The following L3MBTL4 variants were observed in gnomAD, a reference collection of about 807,000 sequenced individuals.
The protein encoded by L3MBTL4 is lethal(3)malignant brain tumor-like protein 4.
L3MBTL4 carries 70 observed loss-of-function variants against 84.5 expected under a neutral mutation model. The ratio of observed to expected loss-of-function variants is 0.83; its 90% CI spans 0.68 to 1.01. The LOEUF (loss-of-function observed/expected upper bound fraction) is 1.01. Ranked by LOEUF, L3MBTL4 falls within the 50% of genes least tolerant of loss-of-function variation. The pLI is 0.00. For synonymous variants in L3MBTL4, 274 were observed against 259.8 expected, an observed-to-expected ratio of 1.05 and a Z score of -0.52; for missense variants, 715 against 754.8, an observed-to-expected ratio of 0.95 and a Z score of 0.62.
chr18:6,036,690 A>G (rs2056156659), intron 16 of L3MBTL4, among the ~76,000 whole-genome samples: 1 of 152,192 alleles, frequency 6.6e-6, no homozygotes, highest in Non-Finnish European at 1.5e-5. Context: ...GTGATTACTT[A>G]TTGAAAACTG....
intron 1 of L3MBTL4, among the ~76,000 whole-genome samples, chr18:6,405,548 G>A (rs942588015): frequency 2.6e-5 from 4 of 152,146 alleles, no homozygotes; most frequent in Non-Finnish European, 4.4e-5. Context: ...CCCTGAGCCC[G>A]AGGGCCCACT....
In L3MBTL4 at chr18:6,346,370, C is replaced by T. The variant is rs11662413; in HGVS notation, c.-90-34314G>A. 9.0e-3 allele frequency among the ~76,000 whole-genome samples: 1,372 copies of T among 151,724 alleles called. 10 individuals are homozygous for T. The highest frequency in any genetic ancestry group is 0.014 in the Non-Finnish European group (968 of 67,850). ...TACCTCAAACCAAAAAACTTCTACACGGCAAAGGAAATCAATCACCAAAAT... is the reference window on the plus strand; with the variant it reads ...TACCTCAAACCAAAAAACTTCTACATGGCAAAGGAAATCAATCACCAAAAT... On this transcript the variant is annotated intron_variant, in intron 1 of 18. Coordinates refer to ENST00000317931, the MANE Select transcript of L3MBTL4 (RefSeq NM_001330559.2).
At chr18:6,107,097 T>C (rs2059034415) in intron 14 of L3MBTL4, among the ~76,000 whole-genome samples, 2 of 152,226 alleles carry the variant, frequency 1.3e-5, no homozygotes, top group Admixed American at 1.3e-4. Flanking sequence ...AGAATAGTGC[T>C]TATGATTTCA....
intron 4 of L3MBTL4, among the ~76,000 whole-genome samples, chr18:6,265,286 A>G (rs2048581833): frequency 6.6e-6 from 1 of 152,212 alleles, no homozygotes; most frequent in South Asian, 2.1e-4. Flanking sequence ...ATGAATAGCT[A>G]ATCTTTGTAA....
At chr18:6,226,018 A>G (rs1323076320) in intron 10 of L3MBTL4, among the ~76,000 whole-genome samples, 1 of 152,226 alleles carries the variant, frequency 6.6e-6, no homozygotes, top group Non-Finnish European at 1.5e-5. Flanking sequence ...ATAACACCAG[A>G]TGGAAATTTG....
At chr18:6,155,014 T>C (rs531504328) in intron 13 of L3MBTL4, among the ~76,000 whole-genome samples, 5 of 152,348 alleles carry the variant, frequency 3.3e-5, no homozygotes, top group Non-Finnish European at 7.4e-5. Context: ...AAAACTTCCA[T>C]AACCATATTT....
chr18:6,297,717 A>G (rs932432006), intron 4 of L3MBTL4, among the ~76,000 whole-genome samples: 2 of 152,208 alleles, frequency 1.3e-5, no homozygotes, highest in East Asian at 1.9e-4. Flanking sequence ...TAGACAATAT[A>G]CTTTTTATCT....
intron 7 of L3MBTL4, among the ~76,000 whole-genome samples, chr18:6,241,806 C>T (rs1417763140): frequency 6.6e-6 from 1 of 152,132 alleles, no homozygotes; most frequent in Non-Finnish European, 1.5e-5. Flanking sequence ...TCTCATCGCC[C>T]ATTAAGGCTT....
At chr18:6,294,836 G>A (rs907655226) in intron 4 of L3MBTL4, among the ~76,000 whole-genome samples, 5 of 152,254 alleles carry the variant, frequency 3.3e-5, no homozygotes, top group Admixed American at 2.0e-4. Context: ...GTCTTCAGAG[G>A]GGGTTCCTCT....
Position 6,263,950 on chromosome 18 carries a change from G to A in L3MBTL4, c.216C>T (p.Ser72=). 1.9e-6 allele frequency: 3 copies of A among 1,611,186 alleles called. No individual in the cohort carries two copies. The highest frequency in any genetic ancestry group is 2.5e-6 in the Non-Finnish European group (3 of 1,177,316). ...KAVAAPVELF[S]KDQSFPEHEN... is the part of the protein sequence containing the mutation. ...TATAAGTCCTTCAGTGGCTGACCTT[G>A]GAAAACAGCTCAACAGGTGCTGCGA... The change falls in exon 5 of 19, where the codon TCC becomes TCT. Residue 72 remains serine (S), a synonymous_variant. Coordinates refer to ENST00000317931, the MANE Select transcript of L3MBTL4 (RefSeq NM_001330559.2).
At chr18:6,292,058 G>A (rs1031712549) in intron 4 of L3MBTL4, among the ~76,000 whole-genome samples, 1 of 152,138 alleles carries the variant, frequency 6.6e-6, no homozygotes, top group African/African-American at 2.4e-5. Context: ...TAAAGCGATG[G>A]ATATCTCCAG....
At chr18:6,359,110 G>T (rs2053568319) in intron 1 of L3MBTL4, among the ~76,000 whole-genome samples, 1 of 152,166 alleles carries the variant, frequency 6.6e-6, no homozygotes, top group Non-Finnish European at 1.5e-5. Context: ...ACTATTTAAA[G>T]GTATAAAATT....
intron 4 of L3MBTL4, among the ~76,000 whole-genome samples, chr18:6,290,865 A>G (rs2049833263): frequency 6.6e-6 from 1 of 152,150 alleles, no homozygotes; most frequent in Admixed American, 6.5e-5. Flanking sequence ...GGTCTAGACT[A>G]GATCCTAAGT....
intron 1 of L3MBTL4, among the ~76,000 whole-genome samples, chr18:6,328,750 G>A (rs1486514743): frequency 6.6e-6 from 1 of 152,102 alleles, no homozygotes; most frequent in Non-Finnish European, 1.5e-5. Flanking sequence ...GTGGTGACAG[G>A]CGAGAAGTCA....
intron 10 of L3MBTL4, among the ~76,000 whole-genome samples, chr18:6,235,853 AAAG>A (rs1430476178): frequency 1.3e-5 from 2 of 152,220 alleles, no homozygotes; most frequent in Non-Finnish European, 2.9e-5. Context: ...TACATCAATA[AAAG>A]AAGAATAAAA....
At chr18:6,072,533 G>C (rs537391782) in intron 16 of L3MBTL4, among the ~76,000 whole-genome samples, 44 of 151,970 alleles carry the variant, frequency 2.9e-4, no homozygotes, top group Non-Finnish European at 3.4e-4. Flanking sequence ...TATAGTTTTA[G>C]GTGCATATAT....
intron 16 of L3MBTL4, chr18:6,031,694 C>T (rs542276907): frequency 9.3e-5 from 92 of 985,080 alleles, no homozygotes; most frequent in Middle Eastern, 5.2e-4. Context: ...AGCCCCAGCA[C>T]GGCTTCATGG....
chr18:6,293,200 C>G (rs1418936807), intron 4 of L3MBTL4, among the ~76,000 whole-genome samples: 1 of 152,116 alleles, frequency 6.6e-6, no homozygotes, highest in Non-Finnish European at 1.5e-5. Context: ...CTTTCCTTAG[C>G]TCTGTCCACT....
intron 16 of L3MBTL4, among the ~76,000 whole-genome samples, chr18:6,039,166 G>A (rs1378142173): frequency 6.6e-6 from 1 of 151,986 alleles, no homozygotes; most frequent in African/African-American, 2.4e-5. Flanking sequence ...TCCCCAAACT[G>A]TGATCTTGAC....
Sources: gnomAD v4.1 joint callset for allele counts (sites outside exome capture counted in the v4.1 genomes callset) on GRCh38, gnomAD v4.1.1 for gene constraint, MANE v1.5 for transcripts, NCBI Gene and HGNC (gene_info 2026-07-23, HGNC 2026-07-21) for gene names.